Variants in NFIB observed in about 807,000 individuals in gnomAD.
NFIB encodes the protein nuclear factor I B.
Under a neutral mutation model 61.5 loss-of-function variants are expected in NFIB, and 11 were observed. The observed-to-expected ratio is 0.18, with a 90% CI of 0.11 to 0.30. NFIB has a LOEUF of 0.30. Ranked by LOEUF, NFIB falls within the 10% of genes least tolerant of loss-of-function variation. NFIB has a pLI of 1.00. For missense variants in NFIB, 471 were observed against 608.9 expected (o/e 0.77, Z 2.38); for synonymous variants, 260 against 216.5 (o/e 1.20, Z -1.76).
At chr9:14,472,365 A>G in the NFIB span, among the ~76,000 whole-genome samples, 1 of 152,210 alleles carries the variant, frequency 6.6e-6, no homozygotes, top group Non-Finnish European at 1.5e-5. Flanking sequence ...CAAAATTTTT[A>G]TTCCAGATCC....
intron 2 of NFIB, among the ~76,000 whole-genome samples, chr9:14,205,284 GAA>G (rs1587593976): frequency 3.3e-3 from 147 of 45,030 alleles, no homozygotes; most frequent in Non-Finnish European, 6.0e-3. Context: ...GGGAGGGAGG[GAA>G]AGAAGAAAGG....
chr9:14,322,572 G>GCGGCC (rs2060688521), intron 1 of NFIB, among the ~76,000 whole-genome samples: 1 of 151,810 alleles, frequency 6.6e-6, no homozygotes, highest in Non-Finnish European at 1.5e-5. Flanking sequence ...TCTCCGGCTC[G>GCGGCC]CGGCCCGCCC....
chr9:14,239,158 T>A (rs950332166), intron 2 of NFIB, among the ~76,000 whole-genome samples: 1 of 152,214 alleles, frequency 6.6e-6, no homozygotes, highest in South Asian at 2.1e-4. Flanking sequence ...TTCTCCTCCA[T>A]CATTTAACCA....
chr9:14,222,963 A>G (rs1315753122), intron 2 of NFIB, among the ~76,000 whole-genome samples: 1 of 152,100 alleles, frequency 6.6e-6, no homozygotes, highest in Non-Finnish European at 1.5e-5. Context: ...TTATGCAGCT[A>G]AATCAGGGGT....
chr9:14,171,206 A>G (rs564758345), intron 3 of NFIB, among the ~76,000 whole-genome samples: 3 of 152,324 alleles, frequency 2.0e-5, no homozygotes, highest in Admixed American at 2.0e-4. Flanking sequence ...CCTATATTCT[A>G]TGTCACGGCT....
At chr9:14,398,072 C>G (rs907668138) in intron 1 of NFIB, among the ~76,000 whole-genome samples, 2 of 152,094 alleles carry the variant, frequency 1.3e-5, no homozygotes, top group African/African-American at 2.4e-5. Context: ...CTGGAAATGT[C>G]AAGACCAAAG....
the NFIB span, among the ~76,000 whole-genome samples, chr9:14,530,094 C>T: frequency 6.6e-6 from 1 of 152,142 alleles, no homozygotes; most frequent in Non-Finnish European, 1.5e-5. Context: ...TTTTCCCCAA[C>T]AGAAAATGTT....
the NFIB span, among the ~76,000 whole-genome samples, chr9:14,529,810 T>C: frequency 6.6e-6 from 1 of 152,202 alleles, no homozygotes; most frequent in African/African-American, 2.4e-5. Flanking sequence ...AATTACGCAA[T>C]AATTTTTAGC....
chr9:14,453,505 T>C, the NFIB span, among the ~76,000 whole-genome samples: 4 of 152,228 alleles, frequency 2.6e-5, no homozygotes, highest in Non-Finnish European at 5.9e-5. Flanking sequence ...CTAAGCACTT[T>C]AATGTCAACA....
intron 1 of NFIB, among the ~76,000 whole-genome samples, chr9:14,325,384 G>C (rs2060741171): frequency 6.6e-6 from 1 of 151,962 alleles, no homozygotes; most frequent in African/African-American, 2.4e-5. Context: ...TCTTCCTAAA[G>C]CCAATTAACT....
At chr9:14,209,615 T>TCACTTTCCATATGGTATTGGTATTAC (rs2050101577) in intron 2 of NFIB, among the ~76,000 whole-genome samples, 1 of 152,232 alleles carries the variant, frequency 6.6e-6, no homozygotes, top group Non-Finnish European at 1.5e-5. Context: ...TATGGAAACG[T>TCACTTTCCATATGGTATTGGTATTAC]CACTTTGGAT....
chr9:14,443,531 G>A, the NFIB span, among the ~76,000 whole-genome samples: 1 of 152,110 alleles, frequency 6.6e-6, no homozygotes, highest in Non-Finnish European at 1.5e-5. Context: ...AAACTGCGAT[G>A]CCATCCTCAG....
chr9:14,221,998 C>T (rs527921946), intron 2 of NFIB, among the ~76,000 whole-genome samples: 1 of 152,260 alleles, frequency 6.6e-6, no homozygotes, highest in African/African-American at 2.4e-5. Context: ...ATTACCTTTC[C>T]CTCCGCAAAG....
the NFIB span, among the ~76,000 whole-genome samples, chr9:14,525,922 T>C: frequency 6.6e-6 from 1 of 152,114 alleles, no homozygotes; most frequent in African/African-American, 2.4e-5. Flanking sequence ...CAATTTGTAT[T>C]AGCCCCCTTG....
intron 10 of NFIB, among the ~76,000 whole-genome samples, chr9:14,099,781 C>G (rs1389883473): frequency 6.6e-6 from 1 of 152,144 alleles, no homozygotes; most frequent in Non-Finnish European, 1.5e-5. Context: ...AAGAAACAAA[C>G]CAAGATACTG....
chr9:14,265,030 G>C (rs1319430284), intron 2 of NFIB, among the ~76,000 whole-genome samples: 1 of 152,102 alleles, frequency 6.6e-6, no homozygotes, highest in Non-Finnish European at 1.5e-5. Flanking sequence ...GGGACAACAT[G>C]AGACGCTCTG....
intron 3 of NFIB, among the ~76,000 whole-genome samples, chr9:14,171,403 T>C (rs1390091955): frequency 6.6e-6 from 1 of 152,234 alleles, no homozygotes; most frequent in African/African-American, 2.4e-5. Context: ...CCACTATGAC[T>C]GCTCCTTTAA....
At chr9:14,099,486 A>T (rs2035390826) in intron 10 of NFIB, among the ~76,000 whole-genome samples, 1 of 152,240 alleles carries the variant, frequency 6.6e-6, no homozygotes, top group Non-Finnish European at 1.5e-5. Context: ...CATAAACTAA[A>T]AAAGATGGAT....
intron 10 of NFIB, among the ~76,000 whole-genome samples, chr9:14,109,393 GAAGTT>G (rs960342617): frequency 5.3e-5 from 8 of 152,048 alleles, no homozygotes; most frequent in African/African-American, 1.4e-4. Flanking sequence ...GAACTTCTAT[GAAGTT>G]AAGTCGGGGC....
Sources: allele counts gnomAD v4.1 joint callset (sites outside exome capture counted in the v4.1 genomes callset), GRCh38; gene constraint gnomAD v4.1.1; transcripts MANE v1.5; gene names NCBI Gene and HGNC (gene_info 2026-07-23, HGNC 2026-07-21).